The following SLC39A11 variants were observed in gnomAD, a reference collection of about 807,000 sequenced individuals.
SLC39A11 encodes the protein zinc transporter ZIP11.
SLC39A11 carries 33 observed loss-of-function variants against 36.1 expected under a neutral mutation model. The observed-to-expected ratio is 0.91, with a 90% CI of 0.69 to 1.22. The LOEUF is 1.22. SLC39A11 is among the 50% of genes most tolerant of loss of function. SLC39A11 has a pLI of 0.00. For missense variants in SLC39A11, 432 were observed against 430.3 expected (o/e 1.00, Z -0.03); for synonymous variants, 166 against 170.3 (o/e 0.97, Z 0.20).
chr17:72,662,800 A>G (rs949672528), intron 7 of SLC39A11, among the ~76,000 whole-genome samples: 2 of 152,028 alleles, frequency 1.3e-5, no homozygotes, highest in African/African-American at 4.8e-5. Flanking sequence ...AGGAGGGAAG[A>G]AAGAGAAGAA....
At chr17:72,860,090 T>C (rs1377361346) in intron 5 of SLC39A11, among the ~76,000 whole-genome samples, 1 of 150,718 alleles carries the variant, frequency 6.6e-6, no homozygotes, top group Non-Finnish European at 1.5e-5. Context: ...AATGGGATCG[T>C]GGCAAACTTT....
rs192723214 is a variant in SLC39A11 at position 72,835,706 on chromosome 17, A to G, written c.601+13928T>C. Among the ~76,000 whole-genome samples the G allele has an allele frequency of 4.3e-4, 66 of 152,274 alleles. 1 individual carries two copies. The highest frequency in any genetic ancestry group is 9.8e-4 in the Admixed American group (15 of 15,298). On this transcript the variant is annotated intron_variant, in intron 6 of 9. Transcript: ENST00000255559. ...GAACTCCTGAGTTCAAGTGATCTGCATGCCTCGGCCTCCCAACGATACACT... is the reference window on the plus strand; with the variant it reads ...GAACTCCTGAGTTCAAGTGATCTGCGTGCCTCGGCCTCCCAACGATACACT...
At position 72,776,569 on chromosome 17, in the gene SLC39A11, GTTTTTAAT is replaced by G. The variant is rs567812162; in HGVS notation, c.602-39858_602-39851del. ...GCTTTCGTTTCATATTGACTATTTT[GTTTTTAAT>G]TATGTTTGTTTATAAATAAAATACT... On this transcript the variant is annotated intron_variant, in intron 6 of 9. Transcript: ENST00000255559. 4.6e-4 allele frequency among the ~76,000 whole-genome samples: 50 copies of G among 109,136 alleles called. 1 individual carries two copies. The East Asian group carries it at 9.1e-3, about 20-fold the overall frequency. 71.6% of individuals were successfully genotyped at this position (109,136 alleles called of 152,430 possible). A position where few individuals can be genotyped will look rare whatever the true frequency, so the allele number is the denominator to read the frequency against.
chr17:72,802,738 G>C (rs1328957523), intron 6 of SLC39A11, among the ~76,000 whole-genome samples: 1 of 152,144 alleles, frequency 6.6e-6, no homozygotes. Flanking sequence ...TGTAGTTGCT[G>C]GACAGTAGAG....
chr17:72,877,517 C>G (rs1001006724), intron 5 of SLC39A11, among the ~76,000 whole-genome samples: 2 of 152,170 alleles, frequency 1.3e-5, no homozygotes, highest in East Asian at 1.9e-4. Flanking sequence ...AATCAGTTCA[C>G]GATGCTTGAT....
chr17:72,871,539 T>C (rs2080629270), intron 5 of SLC39A11, among the ~76,000 whole-genome samples: 1 of 151,848 alleles, frequency 6.6e-6, no homozygotes, highest in Non-Finnish European at 1.5e-5. Context: ...ACAGGTTGAG[T>C]TGATCACCAT....
intron 5 of SLC39A11, among the ~76,000 whole-genome samples, chr17:72,881,686 G>T (rs375093222): frequency 1.3e-5 from 2 of 152,098 alleles, no homozygotes; most frequent in Non-Finnish European, 2.9e-5. Context: ...GACAAAATCT[G>T]TTCTTGATTT....
chr17:72,995,077 G>A (rs1251683157), intron 4 of SLC39A11, among the ~76,000 whole-genome samples: 1 of 152,080 alleles, frequency 6.6e-6, no homozygotes, highest in East Asian at 1.9e-4. Flanking sequence ...ATACAGCCCT[G>A]CCTTCCTGTC....
chr17:72,730,510 T>C (rs2074172043), intron 7 of SLC39A11, among the ~76,000 whole-genome samples: 1 of 152,230 alleles, frequency 6.6e-6, no homozygotes, highest in South Asian at 2.1e-4. Context: ...AAAACCTCTT[T>C]GAAGAGATGA....
intron 5 of SLC39A11, among the ~76,000 whole-genome samples, chr17:72,863,624 C>T (rs2080152865): frequency 6.6e-6 from 1 of 152,238 alleles, no homozygotes; most frequent in African/African-American, 2.4e-5. Context: ...TCCTCACTGA[C>T]ATCTGTCCCT....
intron 3 of SLC39A11, among the ~76,000 whole-genome samples, chr17:73,053,616 C>T (rs1422993730): frequency 1.3e-5 from 2 of 152,210 alleles, no homozygotes; most frequent in Non-Finnish European, 2.9e-5. Flanking sequence ...CTTACAAAGT[C>T]TAGCTAACTA....
chr17:72,886,522 G>A (rs1179844438), intron 5 of SLC39A11, among the ~76,000 whole-genome samples: 2 of 152,136 alleles, frequency 1.3e-5, no homozygotes, highest in Admixed American at 6.6e-5. Flanking sequence ...TCTTTCTGCA[G>A]CTCAAGCTAT....
At position 72,647,511 on chromosome 17, in the gene SLC39A11, CTTG is replaced by C; in HGVS notation, c.*70_*72del. ...AAAAGTTTTAATGTGAAGAAAGAAG[CTTG>C]TTGTCCCATAGAAGCCAACCACTGC... On this transcript the variant is annotated 3_prime_UTR_variant, in exon 10 of 10. Coordinates refer to ENST00000255559, the MANE Select transcript of SLC39A11 (RefSeq NM_139177.4). 1 of 1,263,570 alleles carries C rather than the reference CTTG, an allele frequency of 7.9e-7. No individual in the cohort carries two copies. The highest frequency in any genetic ancestry group is 1.1e-6 in the Non-Finnish European group (1 of 891,380). 78.3% of individuals were successfully genotyped at this position (1,263,570 alleles called of 1,614,324 possible). A position where few individuals can be genotyped will look rare whatever the true frequency, so the allele number is the denominator to read the frequency against.
chr17:72,927,702 G>A (rs1220307091), intron 5 of SLC39A11, among the ~76,000 whole-genome samples: 2 of 152,022 alleles, frequency 1.3e-5, no homozygotes, highest in Non-Finnish European at 2.9e-5. Context: ...TTTTCCCATA[G>A]AATTTCAGGA....
Position 73,007,928 on chromosome 17 carries a change from C to T in SLC39A11, c.306+23628G>A, listed in dbSNP as rs538394607. On this transcript the variant is annotated intron_variant, in intron 4 of 9. Coordinates refer to ENST00000255559, the MANE Select transcript of SLC39A11 (RefSeq NM_139177.4). ...GACCAGCCTGACCAACATGGTGAAACCCCATCTCAACCATAAATACAAAAA... is the reference window on the plus strand; with the variant it reads ...GACCAGCCTGACCAACATGGTGAAATCCCATCTCAACCATAAATACAAAAA... Among the ~76,000 whole-genome samples the T allele has an allele frequency of 2.0e-5, 3 of 152,092 alleles. No individual in the cohort carries two copies. In the East Asian group the frequency reaches 5.8e-4, roughly 30 times the overall value.
At chr17:72,971,165 A>G (rs2087420409) in intron 4 of SLC39A11, among the ~76,000 whole-genome samples, 1 of 151,900 alleles carries the variant, frequency 6.6e-6, no homozygotes, top group South Asian at 2.1e-4. Context: ...GCAAATAACC[A>G]CTCATTTACT....
Position 72,852,228 on chromosome 17 carries a change from A to AAAAAAAAAAAAAAC in SLC39A11, c.431-2425_431-2424insGTTTTTTTTTTTTT, listed in dbSNP as rs1491123331. Reference sequence around the variant, plus strand: ...TCAAAAAAAAAAAAAAAAAAAAAAAACAGAAAGAAAGAAAGAAAATCATTT... The same window carrying AAAAAAAAAAAAAAC: ...TCAAAAAAAAAAAAAAAAAAAAAAAAAAAAAAAAAAAAACCAGAAAGAAAGAAAGAAAATCATTT... On this transcript the variant is annotated intron_variant, in intron 5 of 9. Transcript: ENST00000255559. Among the ~76,000 whole-genome samples, 26 of 134,908 alleles carry AAAAAAAAAAAAAAC rather than the reference A, an allele frequency of 1.9e-4. No homozygotes were observed. In the East Asian group the frequency reaches 2.2e-3, roughly 11 times the overall value. The allele number at this position is 134,908 out of a possible 152,430, so 88.5% of individuals were successfully genotyped here. A position where few individuals can be genotyped will look rare whatever the true frequency, so the allele number is the denominator to read the frequency against.
chr17:73,032,481 A>C (rs1241822103), intron 3 of SLC39A11, among the ~76,000 whole-genome samples: 1 of 152,218 alleles, frequency 6.6e-6, no homozygotes, highest in East Asian at 1.9e-4. Flanking sequence ...TGCTGGGATT[A>C]AAGGTGTGAG....
intron 7 of SLC39A11, among the ~76,000 whole-genome samples, chr17:72,716,362 T>C (rs998084374): frequency 6.6e-6 from 1 of 151,962 alleles, no homozygotes; most frequent in South Asian, 2.1e-4. Context: ...TTGTTGTTTG[T>C]TTTCTGGCAC....
Sources: allele counts gnomAD v4.1 joint callset (sites outside exome capture counted in the v4.1 genomes callset), GRCh38; gene constraint gnomAD v4.1.1; transcripts MANE v1.5; gene names NCBI Gene and HGNC (gene_info 2026-07-23, HGNC 2026-07-21).